Variants in ATP11A observed in about 807,000 individuals in gnomAD.
ATP11A encodes the protein phospholipid-transporting ATPase IH.
ATP11A carries 81 observed loss-of-function variants against 154.4 expected under a neutral mutation model. That is an observed-to-expected ratio of 0.52 (90% CI 0.44 to 0.63). ATP11A has a LOEUF of 0.63. ATP11A is among the 30% of genes least tolerant of loss of function. ATP11A has a pLI of 0.00. For missense variants in ATP11A, 1,316 were observed against 1,474.3 expected, an observed-to-expected ratio of 0.89 and a Z score of 1.76; for synonymous variants, 623 against 585.9, an observed-to-expected ratio of 1.06 and a Z score of -0.91.
chr13:112,791,126 C>G (rs969838413), intron 2 of ATP11A, among the ~76,000 whole-genome samples: 2 of 152,214 alleles, frequency 1.3e-5, no homozygotes, highest in African/African-American at 4.8e-5. Flanking sequence ...CATCCCCCAC[C>G]CTCCAGCCCA....
intron 25 of ATP11A, among the ~76,000 whole-genome samples, chr13:112,870,883 G>A (rs2080496605): frequency 6.6e-6 from 1 of 152,238 alleles, no homozygotes; most frequent in South Asian, 2.1e-4. Flanking sequence ...GCGGTAGAGA[G>A]GCGTGCTGTC....
rs143137588 is a variant in ATP11A, at chr13:112,731,650, C to T, written c.39+41195C>T. ...GGTACTGCTGTCCCCAAGGAAGGTG[C>T]GGGAGGAGACAGTAGGTGTCACTTA... On this transcript the variant is annotated intron_variant, in intron 1 of 29. Transcript: ENST00000375645. Among the ~76,000 whole-genome samples the T allele has an allele frequency of 3.3e-5, 5 of 152,258 alleles. No homozygotes were observed. The East Asian group carries it at 5.8e-4, about 18-fold the overall frequency.
rs1296696262 is a variant in ATP11A, at chr13:112,882,551, T to C, written c.*685T>C. The C allele has an allele frequency of 7.2e-6, 3 of 417,244 alleles. No homozygotes were observed. Among genetic ancestry groups the C allele is most frequent in the Non-Finnish European group, 4.2e-6 (1 of 238,636 alleles). 25.8% of individuals were successfully genotyped at this position (417,244 alleles called of 1,614,324 possible). ...CTGCGGATGCACCGCCGTACCCTGCTCATCTGGGAGTGGTTTCCCTGCGGT... is the reference window on the plus strand; with the variant it reads ...CTGCGGATGCACCGCCGTACCCTGCCCATCTGGGAGTGGTTTCCCTGCGGT... On this transcript the variant is annotated 3_prime_UTR_variant, in exon 30 of 30. Transcript: ENST00000375645. This position sits in a 1 kb window ranked among gnomAD's most constrained non-coding sequence, Gnocchi z 5.1.
intron 24 of ATP11A, 115 bp from the exon 25 acceptor site, chr13:112,862,325 C>A (rs2080133653): frequency 1.6e-6 from 2 of 1,259,926 alleles, no homozygotes; most frequent in Non-Finnish European, 2.2e-6. Context: ...TGTTTACTGG[C>A]CGTGCACATC....
intron 1 of ATP11A, among the ~76,000 whole-genome samples, chr13:112,782,656 C>T (rs920254198): frequency 2.0e-5 from 3 of 152,216 alleles, no homozygotes; most frequent in African/African-American, 7.2e-5. Context: ...GGGAAGGCCC[C>T]CGTCAGGCAG....
Position 112,859,123 on chromosome 13 carries a change from T to C in ATP11A, c.2668-270T>C, listed in dbSNP as rs1167877930. The C allele has an allele frequency of 1.7e-5, 8 of 466,630 alleles. No homozygotes were observed. The highest frequency in any genetic ancestry group is 3.2e-5 in the Non-Finnish European group (8 of 253,200). The allele number at this position is 466,630 out of a possible 1,614,324, so 28.9% of individuals were successfully genotyped here. On this transcript the variant is annotated intron_variant, in intron 22 of 29. Coordinates refer to ENST00000375645, the MANE Select transcript of ATP11A (RefSeq NM_015205.3). The surrounding 1 kb of genome is among the most constrained non-coding windows in gnomAD (Gnocchi z 4.3). Reference sequence around the variant, plus strand: ...CTGTGCAGTTCGATTCTTTCCCGTTTATACTGATACCTGCATTGCCTTCTT... The same window carrying C: ...CTGTGCAGTTCGATTCTTTCCCGTTCATACTGATACCTGCATTGCCTTCTT...
At chr13:112,809,324 G>A (rs1164433754) in intron 4 of ATP11A, among the ~76,000 whole-genome samples, 1 of 152,196 alleles carries the variant, frequency 6.6e-6, no homozygotes, top group Non-Finnish European at 1.5e-5. Context: ...TCGCACGTTT[G>A]GATATCCATG....
At chr13:112,813,339 A>G (rs936665071) in intron 5 of ATP11A, among the ~76,000 whole-genome samples, 3 of 152,178 alleles carry the variant, frequency 2.0e-5, no homozygotes, top group African/African-American at 7.2e-5. Flanking sequence ...TTGTCATCTC[A>G]AGGATATGAT....
chr13:112,853,843 A>C (rs2297800), intron 18 of ATP11A, among the ~76,000 whole-genome samples: 28,053 of 152,198 alleles, frequency 0.18, 3,220 homozygotes, highest in Admixed American at 0.25. Context: ...TGACAAACTT[A>C]GAACAGTTTA....
At position 112,884,582 on chromosome 13, in the gene ATP11A, G is replaced by T. The variant is rs576111721; in HGVS notation, c.*2716G>T. 7.2e-5 allele frequency: 11 copies of T among 152,326 alleles called. No individual in the cohort carries two copies. The highest frequency in any genetic ancestry group is 2.6e-4 in the African/African-American group (11 of 41,576). The allele number at this position is 152,326 out of a possible 1,614,324, so 9.4% of individuals were successfully genotyped here. ...GGGTCTTCATGCAATTTTCCACCTC[G>T]CAGTAGTTAGTATTTACTTGCCTTA... On this transcript the variant is annotated 3_prime_UTR_variant, in exon 30 of 30. Coordinates refer to ENST00000375645, the MANE Select transcript of ATP11A (RefSeq NM_015205.3).
In ATP11A at chr13:112,785,698, A is replaced by G. The variant is rs113279615; in HGVS notation, c.162+441A>G. Among the ~76,000 whole-genome samples the G allele has an allele frequency of 1.4e-3, 215 of 152,276 alleles. 1 individual carries two copies. The highest frequency in any genetic ancestry group is 4.9e-3 in the African/African-American group (203 of 41,560). On this transcript the variant is annotated intron_variant, in intron 2 of 29. Transcript: ENST00000375645. This position sits in a 1 kb window ranked among gnomAD's most constrained non-coding sequence, Gnocchi z 4.8. Reference sequence around the variant, plus strand: ...GGCTGGACAGCAAAACCTGGGGGGAAATCTTTGAGCTTGTTCACGAGGTGC... The same window carrying G: ...GGCTGGACAGCAAAACCTGGGGGGAGATCTTTGAGCTTGTTCACGAGGTGC...
At chr13:112,841,277 C>T (rs1219335137) in intron 16 of ATP11A, among the ~76,000 whole-genome samples, 7 of 143,460 alleles carry the variant, frequency 4.9e-5, no homozygotes, top group Admixed American at 2.1e-4. Flanking sequence ...GGAGCACCTG[C>T]GCCCAGGCAC....
At chr13:112,739,670 G>A (rs282603) in intron 1 of ATP11A, among the ~76,000 whole-genome samples, 40,305 of 152,196 alleles carry the variant, frequency 0.26, 7,527 homozygotes, top group African/African-American at 0.53. Flanking sequence ...CTTTCACACA[G>A]ATGTTCTTGT....
chr13:112,743,158 C>T (rs1353276051), intron 1 of ATP11A, among the ~76,000 whole-genome samples: 1 of 152,216 alleles, frequency 6.6e-6, no homozygotes, highest in Non-Finnish European at 1.5e-5. Flanking sequence ...GATCTGCTTA[C>T]TCCCTGTGAT....
intron 6 of ATP11A, among the ~76,000 whole-genome samples, chr13:112,818,281 C>A (rs923821263): frequency 7.6e-5 from 11 of 143,812 alleles, no homozygotes; most frequent in Admixed American, 2.1e-4. Flanking sequence ...CGTTGGTGCG[C>A]TTGGTGACAG....
chr13:112,881,453 G>A (rs549562533), intron 29 of ATP11A: 15 of 1,070,276 alleles, frequency 1.4e-5, no homozygotes, highest in African/African-American at 3.3e-5. Context: ...CCGGTATGGC[G>A]TTCGAGCTCA....
chr13:112,748,164 C>G (rs946166337), intron 1 of ATP11A, among the ~76,000 whole-genome samples: 2 of 152,180 alleles, frequency 1.3e-5, no homozygotes, highest in Non-Finnish European at 2.9e-5. Context: ...TCTCATGATG[C>G]ATATGCAAAT....
chr13:112,843,760 G>A (rs577547274), intron 17 of ATP11A, among the ~76,000 whole-genome samples: 1 of 152,316 alleles, frequency 6.6e-6, no homozygotes, highest in South Asian at 2.1e-4. Flanking sequence ...CCTTTCGCTC[G>A]CGAGCCCGTG....
At chr13:112,852,529 G>C (rs74118325) in intron 18 of ATP11A, among the ~76,000 whole-genome samples, 154 of 152,324 alleles carry the variant, frequency 1.0e-3, no homozygotes, top group African/African-American at 3.6e-3. Context: ...GGCCACGGCC[G>C]CCGAAAGGCT....
Sources: gnomAD v4.1 joint callset for allele counts (sites outside exome capture counted in the v4.1 genomes callset) on GRCh38, gnomAD v4.1.1 for gene constraint, Gnocchi (gnomAD v3.1) non-coding constraint, MANE v1.5 for transcripts, NCBI Gene and HGNC (gene_info 2026-07-23, HGNC 2026-07-21) for gene names.